Variants in TTC34 observed in about 807,000 individuals in gnomAD.
TTC34 encodes tetratricopeptide repeat protein 34.
Under a neutral mutation model 40.7 loss-of-function variants are expected in TTC34, and 44 were observed. The ratio of observed to expected loss-of-function variants is 1.08; its 90% CI spans 0.85 to 1.39. The LOEUF is 1.39. TTC34 is among the 40% of genes most tolerant of loss of function. The pLI, the probability that TTC34 is intolerant of heterozygous loss-of-function variation, is 0.00. For missense variants in TTC34, 884 were observed against 838.0 expected, an observed-to-expected ratio of 1.05 and a Z score of -0.68; for synonymous variants, 422 against 398.6, an observed-to-expected ratio of 1.06 and a Z score of -0.70.
chr1:2,674,907 A>T (rs1639839309), intron 6 of TTC34, among the ~76,000 whole-genome samples: 1 of 118,742 alleles, frequency 8.4e-6, no homozygotes, highest in Non-Finnish European at 1.9e-5. Context: ...GACAGCCCGG[A>T]GCAGTGCCCA....
rs565832788 is a variant in TTC34 at position 2,688,497 on chromosome 1, G to A, written c.2227-42934C>T. ...GTGGAGCAGCACCCCACACCCACAG[G>A]TGAGCATCTGACAGCCTGTAACAGT... is the stretch of plus-strand genomic sequence containing the variant. On this transcript the variant is annotated intron_variant, in intron 6 of 8. Transcript: ENST00000401095. Among the ~76,000 whole-genome samples, 9 of 130,290 alleles carry A rather than the reference G, an allele frequency of 6.9e-5. 1 individual carries two copies. The highest frequency in any genetic ancestry group is 3.2e-4 in the African/African-American group (9 of 28,304). 85.5% of individuals were successfully genotyped at this position (130,290 alleles called of 152,430 possible).
At chr1:2,657,522 C>A (rs1639394214) in intron 6 of TTC34, among the ~76,000 whole-genome samples, 1 of 97,478 alleles carries the variant, frequency 1.0e-5, no homozygotes, top group African/African-American at 3.1e-5. Flanking sequence ...CATCTGACAG[C>A]ATGAAACAGC....
chr1:2,642,747 C>T (rs868805162), intron 8 of TTC34, among the ~76,000 whole-genome samples: 62 of 152,240 alleles, frequency 4.1e-4, no homozygotes, highest in Admixed American at 2.0e-4. Flanking sequence ...CGCTACCTCC[C>T]CCGGGGGGCG....
At chr1:2,755,465 C>A (rs1226658543) in intron 6 of TTC34, among the ~76,000 whole-genome samples, 1 of 75,290 alleles carries the variant, frequency 1.3e-5, no homozygotes, top group Non-Finnish European at 2.3e-5. Flanking sequence ...CCCACACCCC[C>A]AGGTGAACAT....
At chr1:2,778,332 C>T (rs1643379680) in intron 6 of TTC34, among the ~76,000 whole-genome samples, 1 of 152,238 alleles carries the variant, frequency 6.6e-6, no homozygotes, top group Admixed American at 6.5e-5. Context: ...GGGAAGTGCC[C>T]TCATCTCTGG....
intron 2 of TTC34, among the ~76,000 whole-genome samples, chr1:2,791,108 CCA>C: frequency 6.6e-6 from 1 of 152,152 alleles, no homozygotes; most frequent in South Asian, 2.1e-4. Flanking sequence ...ATCCCCACCC[CCA>C]CTCCCCCAGC....
rs937748180 is a variant in TTC34 at position 2,645,591 on chromosome 1, A to G, written c.2227-28T>C. ...GCAAGGAGGGAGGGCGGGCGGGTGC[A>G]GAGTTGTCCTAAGTAGAGAAACTGG... On this transcript the variant is annotated intron_variant, in intron 6 of 8. Coordinates refer to ENST00000401095, the Ensembl canonical transcript of TTC34. This position sits in a 1 kb window ranked among gnomAD's most constrained non-coding sequence, Gnocchi z 4.7. 2.1e-5 allele frequency: 31 copies of G among 1,445,696 alleles called. No individual in the cohort carries two copies. The highest frequency in any genetic ancestry group is 2.5e-4 in the Middle Eastern group (1 of 3,970). The allele number at this position is 1,445,696 out of a possible 1,614,324, so 89.6% of individuals were successfully genotyped here. A position where few individuals can be genotyped will look rare whatever the true frequency, so the allele number is the denominator to read the frequency against.
chr1:2,785,036 G>A (rs1439754197), intron 5 of TTC34, among the ~76,000 whole-genome samples: 1 of 152,024 alleles, frequency 6.6e-6, no homozygotes, highest in Non-Finnish European at 1.5e-5. Flanking sequence ...CCTTCCTGCC[G>A]ACGTGTGCAG....
intron 6 of TTC34, among the ~76,000 whole-genome samples, chr1:2,749,685 A>ACT (rs1641254694): frequency 2.6e-4 from 8 of 31,158 alleles, no homozygotes; most frequent in Admixed American, 3.2e-4. Flanking sequence ...CAACCTGCAC[A>ACT]CCCAGGTGAG....
chr1:2,645,359 G>C lies in TTC34; in HGVS notation c.2431C>G (p.Leu811Val). 6.5e-7 allele frequency: 1 copy of C among 1,533,030 alleles called. No homozygotes were observed. Among genetic ancestry groups the C allele is most frequent in the Non-Finnish European group, 8.7e-7 (1 of 1,145,002 alleles). 95.0% of individuals were successfully genotyped at this position (1,533,030 alleles called of 1,614,324 possible). The change falls in exon 7 of 9, where the codon CTG (leucine) becomes GTG (valine). Residue 811 changes from leucine to valine, a missense_variant. By Grantham distance (32) the Leu-to-Val change is conservative (BLOSUM62 1). Transcript: ENST00000401095. The surrounding 1 kb of genome is among the most constrained non-coding windows in gnomAD (Gnocchi z 4.7). ...GGTTGCCCTGAGTCGATTTTGATCA[G>C]CGCCTCCCCCACAGCAAGGAGGCCC... is the stretch of plus-strand genomic sequence containing the variant.
At chr1:2,686,856 ATCGG>A (rs879768639) in intron 6 of TTC34, among the ~76,000 whole-genome samples, 264 of 140,434 alleles carry the variant, frequency 1.9e-3, no homozygotes, top group African/African-American at 2.5e-3. Flanking sequence ...CCAGGTGAGC[ATCGG>A]ACAGCCTGGA....
At chr1:2,789,092 A>C (rs1226040667) in intron 3 of TTC34, among the ~76,000 whole-genome samples, 2 of 152,152 alleles carry the variant, frequency 1.3e-5, no homozygotes, top group Non-Finnish European at 2.9e-5. Context: ...AACAAAAAAC[A>C]AAACAAAACA....
At chr1:2,749,722 C>A (rs1373783700) in intron 6 of TTC34, among the ~76,000 whole-genome samples, 1 of 81,872 alleles carries the variant, frequency 1.2e-5, no homozygotes, top group Non-Finnish European at 2.3e-5. Flanking sequence ...ACAGCACGCA[C>A]AACCCCAGGT....
intron 6 of TTC34, among the ~76,000 whole-genome samples, chr1:2,781,946 T>C (rs1643490323): frequency 6.6e-6 from 1 of 152,234 alleles, no homozygotes; most frequent in African/African-American, 2.4e-5. Flanking sequence ...TGCCTCAATA[T>C]TCATACGGGA....
intron 6 of TTC34, among the ~76,000 whole-genome samples, chr1:2,748,778 G>A (rs1280893340): frequency 5.9e-3 from 166 of 27,928 alleles, no homozygotes; most frequent in Middle Eastern, 0.031. Context: ...AGAGCATCCG[G>A]CAGCCTGGAG....
At chr1:2,801,216 C>A (rs1437760257) in intron 1 of TTC34, among the ~76,000 whole-genome samples, 1 of 152,080 alleles carries the variant, frequency 6.6e-6, no homozygotes, top group African/African-American at 2.4e-5. Context: ...GCAATAGGAA[C>A]CCCGGACCCA....
At chr1:2,699,971 A>C in intron 6 of TTC34, among the ~76,000 whole-genome samples, 1 of 89,302 alleles carries the variant, frequency 1.1e-5, no homozygotes, top group South Asian at 3.6e-4. Context: ...AAATGCTCAC[A>C]CCCCAAGGTG....
intron 1 of TTC34, 106 bp downstream of exon 1, chr1:2,801,446 GCCCCTGGTACTCCCCTATTCCCTGT>G (rs1643772243): frequency 6.6e-6 from 1 of 152,320 alleles, no homozygotes; most frequent in African/African-American, 2.4e-5. Context: ...TCCAGGGACA[GCCCCTGGTACTCCCCTATTCCCTGT>G]CCCCAAGCTA....
At chr1:2,777,948 C>T (rs1172341969) in intron 6 of TTC34, among the ~76,000 whole-genome samples, 1 of 152,178 alleles carries the variant, frequency 6.6e-6, no homozygotes, top group Non-Finnish European at 1.5e-5. Flanking sequence ...GTTAAATGGG[C>T]ATGTCCCTGG....
Sources: gnomAD v4.1 joint callset for allele counts (sites outside exome capture counted in the v4.1 genomes callset) on GRCh38, gnomAD v4.1.1 for gene constraint, Gnocchi (gnomAD v3.1) non-coding constraint, MANE v1.5 for transcripts, NCBI Gene and HGNC (gene_info 2026-07-23, HGNC 2026-07-21) for gene names.